Variants in GABRG1 observed in about 807,000 individuals in gnomAD.
The protein encoded by GABRG1 is gamma-aminobutyric acid type A receptor subunit gamma1, also known as gamma-aminobutyric acid receptor subunit gamma-1.
Under a neutral mutation model 49.8 loss-of-function variants are expected in GABRG1, and 49 were observed. That is an observed-to-expected ratio of 0.98 (90% confidence interval 0.78 to 1.25). The LOEUF is 1.25. GABRG1 is among the 50% of genes most tolerant of loss of function. The pLI is 0.00. For missense variants in GABRG1, 552 were observed against 552.3 expected, an observed-to-expected ratio of 1.00 and a Z score of 0.01; for synonymous variants, 232 against 185.1, an observed-to-expected ratio of 1.25 and a Z score of -2.06.
At chr4:46,112,633 A>G (rs1247407876) in intron 1 of GABRG1, among the ~76,000 whole-genome samples, 1 of 151,204 alleles carries the variant, frequency 6.6e-6, no homozygotes, top group Non-Finnish European at 1.5e-5. Context: ...AGGTACATAA[A>G]CACTACATAG....
At chr4:46,062,759 C>T (rs1259782889) in intron 5 of GABRG1, among the ~76,000 whole-genome samples, 1 of 152,038 alleles carries the variant, frequency 6.6e-6, no homozygotes, top group Non-Finnish European at 1.5e-5. Context: ...CATTGTATAT[C>T]TAGAAAACCC....
chr4:46,054,915 C>T (rs1331616500), intron 7 of GABRG1, among the ~76,000 whole-genome samples: 1 of 72,858 alleles, frequency 1.4e-5, no homozygotes, highest in Non-Finnish European at 2.6e-5. Context: ...GAGGGCATCC[C>T]TGTCTTGTGC....
intron 7 of GABRG1, among the ~76,000 whole-genome samples, chr4:46,056,351 T>A (rs1045931967): frequency 1.8e-4 from 27 of 152,088 alleles, no homozygotes; most frequent in Non-Finnish European, 3.7e-4. Flanking sequence ...AGCAGGAAGA[T>A]CTGGCTTCAA....
intron 1 of GABRG1, among the ~76,000 whole-genome samples, chr4:46,107,184 T>C (rs1720577361): frequency 6.6e-6 from 1 of 151,290 alleles, no homozygotes; most frequent in African/African-American, 2.4e-5. Context: ...ACCCATTATG[T>C]GGTTTTACAA....
chr4:46,118,135 T>TATATATGTATAC (rs1720986718), intron 1 of GABRG1, among the ~76,000 whole-genome samples: 1 of 145,274 alleles, frequency 6.9e-6, no homozygotes. Flanking sequence ...TGTGTGTGTA[T>TATATATGTATAC]ATATATATAT....
At chr4:46,085,102 T>G (rs919115784) in intron 2 of GABRG1, among the ~76,000 whole-genome samples, 1 of 151,512 alleles carries the variant, frequency 6.6e-6, no homozygotes, top group African/African-American at 2.4e-5. Context: ...TTTTTTCAGT[T>G]AAACTGATAA....
chr4:46,117,308 A>T (rs1478677451), intron 1 of GABRG1, among the ~76,000 whole-genome samples: 1 of 150,440 alleles, frequency 6.6e-6, no homozygotes, highest in Non-Finnish European at 1.5e-5. Flanking sequence ...ATATTTGTCT[A>T]ACAAATAAGG....
chr4:46,074,512 G>A (rs1719252243), intron 3 of GABRG1, among the ~76,000 whole-genome samples: 1 of 152,084 alleles, frequency 6.6e-6, no homozygotes, highest in Non-Finnish European at 1.5e-5. Flanking sequence ...ATGTCACAAA[G>A]CTAGGTACCC....
intron 3 of GABRG1, among the ~76,000 whole-genome samples, chr4:46,078,193 G>T (rs1437434167): frequency 6.6e-6 from 1 of 151,840 alleles, no homozygotes; most frequent in African/African-American, 2.4e-5. Context: ...ATACAAATGT[G>T]TTTCCTAAAG....
intron 1 of GABRG1, among the ~76,000 whole-genome samples, chr4:46,121,097 GT>G (rs1721078380): frequency 6.6e-6 from 1 of 151,714 alleles, no homozygotes; most frequent in South Asian, 2.1e-4. Context: ...AAATAAAATA[GT>G]GTTTCTCCTC....
intron 8 of GABRG1, among the ~76,000 whole-genome samples, chr4:46,048,807 T>A (rs1325404036): frequency 6.6e-6 from 1 of 151,454 alleles, no homozygotes; most frequent in Non-Finnish European, 1.5e-5. Context: ...ATGTGGAGAG[T>A]AAGTTAAAAC....
At chr4:46,051,167 C>G (rs751070307) in intron 8 of GABRG1, among the ~76,000 whole-genome samples, 1 of 151,646 alleles carries the variant, frequency 6.6e-6, no homozygotes, top group Non-Finnish European at 1.5e-5. Flanking sequence ...GTTTGAGGTA[C>G]AAAGAATCTA....
chr4:46,103,026 A>C (rs188750485), intron 1 of GABRG1, among the ~76,000 whole-genome samples: 1 of 151,756 alleles, frequency 6.6e-6, no homozygotes, highest in African/African-American at 2.4e-5. Flanking sequence ...TTTTAATAGC[A>C]GCTTCTCATC....
intron 2 of GABRG1, among the ~76,000 whole-genome samples, chr4:46,090,961 C>T (rs868700075): frequency 2.0e-4 from 28 of 142,494 alleles, no homozygotes; most frequent in Non-Finnish European, 2.7e-4. Context: ...CACATACACA[C>T]ACACACACAC....
At chr4:46,060,801 A>T (rs1038364689) in intron 5 of GABRG1, among the ~76,000 whole-genome samples, 9 of 152,090 alleles carry the variant, frequency 5.9e-5, no homozygotes, top group African/African-American at 1.7e-4. Flanking sequence ...TTTACTTTTA[A>T]AAAGTTTTAG....
intron 3 of GABRG1, 113 bp from the exon 4 acceptor site, chr4:46,065,697 T>C: frequency 1.6e-6 from 1 of 607,890 alleles, no homozygotes; most frequent in East Asian, 2.8e-5. Context: ...TTAAACTCAG[T>C]CTTTTCGGAG....
In GABRG1 at chr4:46,040,872, C is replaced by T; in HGVS notation, c.*116G>A. 9.4e-7 allele frequency: 1 copy of T among 1,063,082 alleles called. No homozygotes were observed. The highest frequency in any genetic ancestry group is 1.4e-6 in the Non-Finnish European group (1 of 734,546). The allele number at this position is 1,063,082 out of a possible 1,614,324, so 65.9% of individuals were successfully genotyped here. A position where few individuals can be genotyped will look rare whatever the true frequency, so the allele number is the denominator to read the frequency against. ...GCCTTAAAATAGTTACAATACTATT[C>T]ACATTTTAACCATTGGTCTCTCTGC... On this transcript the variant is annotated 3_prime_UTR_variant, in exon 9 of 9. Coordinates refer to ENST00000295452, the MANE Select transcript of GABRG1 (RefSeq NM_173536.4).
chr4:46,056,344 A>T (rs1191371825), intron 7 of GABRG1, among the ~76,000 whole-genome samples: 1 of 151,994 alleles, frequency 6.6e-6, no homozygotes, highest in Non-Finnish European at 1.5e-5. Flanking sequence ...ATGGCATAGC[A>T]GGAAGATCTG....
rs372512898 is a variant in GABRG1, at chr4:46,058,271, A to T, written c.862T>A (p.Ser288Thr). The T allele has an allele frequency of 6.2e-7, 1 of 1,613,480 alleles. No homozygotes were observed. The highest frequency in any genetic ancestry group is 8.5e-7 in the Non-Finnish European group (1 of 1,179,614). Reference sequence around the variant, plus strand: ...TTATTGATCCAAAAAGACACCCAAGAAAGAACAACTGTCAGAATGCATGGA... The same window carrying T: ...TTATTGATCCAAAAAGACACCCAAGTAAGAACAACTGTCAGAATGCATGGA... ...YIPCILTVVL[S>T]WVSFWINKDA... Residue 288 changes from serine to threonine, a missense_variant, in exon 7 of 9, where the codon TCT becomes ACT. Physicochemically the swap from Ser to Thr is moderately conservative, Grantham distance 58. Transcript: ENST00000295452.
Sources: allele counts gnomAD v4.1 joint callset (sites outside exome capture counted in the v4.1 genomes callset), GRCh38; gene constraint gnomAD v4.1.1; transcripts MANE v1.5; gene names NCBI Gene and HGNC (gene_info 2026-07-23, HGNC 2026-07-21).